Variants in PACSIN1 observed in about 807,000 individuals in gnomAD.
PACSIN1 encodes protein kinase C and casein kinase substrate in neurons 1, also known as protein kinase C and casein kinase substrate in neurons protein 1.
Under a neutral mutation model 59.5 loss-of-function variants are expected in PACSIN1, and 15 were observed. The ratio of observed to expected loss-of-function variants is 0.25; its 90% CI spans 0.17 to 0.39. The LOEUF is 0.39. PACSIN1 is among the 10% of genes least tolerant of loss of function. The probability of loss-of-function intolerance (pLI) is 1.00; values close to 1 mark genes in which losing one functional copy is unlikely to be tolerated. For missense variants in PACSIN1, 420 were observed against 580.2 expected, an observed-to-expected ratio of 0.72 and a Z score of 2.84; for synonymous variants, 210 against 220.6, an observed-to-expected ratio of 0.95 and a Z score of 0.42.
chr6:34,473,558 T>C (rs1240059310), intron 1 of PACSIN1, among the ~76,000 whole-genome samples: 1 of 151,834 alleles, frequency 6.6e-6, no homozygotes. Context: ...GGTCTAGCCT[T>C]GACCAGCCAC....
At chr6:34,481,128 C>T (rs1766712084) in intron 1 of PACSIN1, among the ~76,000 whole-genome samples, 1 of 151,946 alleles carries the variant, frequency 6.6e-6, no homozygotes, top group African/African-American at 2.4e-5. Flanking sequence ...TCACTGCAAC[C>T]TCCACCTCCC....
Position 34,529,360 on chromosome 6 carries a change from A to C in PACSIN1, c.457-37A>C. 3.7e-6 allele frequency: 6 copies of C among 1,606,122 alleles called. No individual in the cohort carries two copies. Among genetic ancestry groups the C allele is most frequent in the Non-Finnish European group, 5.1e-6 (6 of 1,173,406 alleles). On this transcript the variant is annotated intron_variant, in intron 4 of 9. Transcript: ENST00000244458. The surrounding 1 kb of genome is among the most constrained non-coding windows in gnomAD (Gnocchi z 6.3). ...GTGACCATGTTTGCTGCTGGTCACA[A>C]ATGAAAACCCTACTCCCTATTCCCC...
chr6:34,530,667 G>T lies in PACSIN1; in HGVS notation c.1037+80G>T. On this transcript the variant is annotated intron_variant, in intron 8 of 9. Coordinates refer to ENST00000244458, the MANE Select transcript of PACSIN1 (RefSeq NM_020804.5). This position sits in a 1 kb window ranked among gnomAD's most constrained non-coding sequence, Gnocchi z 4.4. Reference sequence around the variant, plus strand: ...AGCTGAGTTTTGCTTCAGAAGACAAGAAATGGTCTAGATCATAGCAACTAT... The same window carrying T: ...AGCTGAGTTTTGCTTCAGAAGACAATAAATGGTCTAGATCATAGCAACTAT... 2 of 1,397,910 alleles carry T rather than the reference G, an allele frequency of 1.4e-6. No individual in the cohort carries two copies. Among genetic ancestry groups the T allele is most frequent in the Admixed American group, 2.9e-5 (1 of 34,718 alleles). 86.6% of individuals were successfully genotyped at this position (1,397,910 alleles called of 1,614,324 possible).
Position 34,515,041 on chromosome 6 carries a change from C to T in PACSIN1, c.-63-11202C>T, listed in dbSNP as rs1022397754. ...GCGGGGGCAGTAAGCTCCTACTTGC[C>T]CCCAGCTTGGTGCCCACACGGGCCC... is the stretch of plus-strand genomic sequence containing the variant. On this transcript the variant is annotated intron_variant, in intron 1 of 9. Transcript: ENST00000244458. This position sits in a 1 kb window ranked among gnomAD's most constrained non-coding sequence, Gnocchi z 4.4. The T allele has an allele frequency of 1.8e-4, 28 of 152,328 alleles. No homozygotes were observed. The highest frequency in any genetic ancestry group is 6.8e-4 in the African/African-American group (28 of 41,456). The allele number at this position is 152,328 out of a possible 1,614,324, so 9.4% of individuals were successfully genotyped here. A position where few individuals can be genotyped will look rare whatever the true frequency, so the allele number is the denominator to read the frequency against.
intron 1 of PACSIN1, among the ~76,000 whole-genome samples, chr6:34,469,403 G>A (rs1261053080): frequency 7.9e-5 from 12 of 152,154 alleles, no homozygotes; most frequent in Non-Finnish European, 1.5e-4. Flanking sequence ...CGGAGGGGAG[G>A]TCTGGGCTGG....
chr6:34,497,056 C>G (rs1766958432), intron 1 of PACSIN1, among the ~76,000 whole-genome samples: 1 of 145,048 alleles, frequency 6.9e-6, no homozygotes, highest in African/African-American at 2.6e-5. Flanking sequence ...TCAAGCAATT[C>G]TCATGGTTCA....
Position 34,532,303 on chromosome 6 carries a change from G to T in PACSIN1, c.1226-118G>T, listed in dbSNP as rs558496561. The T allele has an allele frequency of 1.2e-3, 835 of 684,398 alleles. 4 individuals are homozygous for T. Among genetic ancestry groups the T allele is most frequent in the Middle Eastern group, 3.6e-3 (9 of 2,524 alleles). The allele number at this position is 684,398 out of a possible 1,614,324, so 42.4% of individuals were successfully genotyped here. Reference sequence around the variant, plus strand: ...GCTGGTTTCCAGGGGCGGGGCCTAAGAATCTAAAACCCAGTGCAGTAATCA... The same window carrying T: ...GCTGGTTTCCAGGGGCGGGGCCTAATAATCTAAAACCCAGTGCAGTAATCA... On this transcript the variant is annotated intron_variant, in intron 9 of 9. Transcript: ENST00000244458. The surrounding 1 kb of genome is among the most constrained non-coding windows in gnomAD (Gnocchi z 5.2).
At chr6:34,480,878 T>C (rs1175500821) in intron 1 of PACSIN1, among the ~76,000 whole-genome samples, 3 of 151,956 alleles carry the variant, frequency 2.0e-5, no homozygotes, top group Non-Finnish European at 4.4e-5. Context: ...TGGTCCACAT[T>C]CTTGCAGGTA....
In PACSIN1 at chr6:34,518,921, TA is replaced by T. The variant is rs2127268348; in HGVS notation, c.-63-7319del. Among the ~76,000 whole-genome samples the T allele has an allele frequency of 6.6e-6, 1 of 152,342 alleles. No homozygotes were observed. The highest frequency in any genetic ancestry group is 2.1e-4 in the South Asian group (1 of 4,830). ...ACCTGAAACAGGCTTAGAGGCCCTC[TA>T]AAGATGTGGGCTGTGCAAAATGGTG... On this transcript the variant is annotated intron_variant, in intron 1 of 9. Transcript: ENST00000244458. This position sits in a 1 kb window ranked among gnomAD's most constrained non-coding sequence, Gnocchi z 4.4.
intron 1 of PACSIN1, among the ~76,000 whole-genome samples, chr6:34,492,672 A>G (rs1316421914): frequency 6.6e-6 from 1 of 152,222 alleles, no homozygotes. Context: ...ATGAGCCACT[A>G]CGCCCGGCCT....
At chr6:34,496,370 C>T (rs1235115085) in intron 1 of PACSIN1, among the ~76,000 whole-genome samples, 3 of 151,384 alleles carry the variant, frequency 2.0e-5, no homozygotes, top group Non-Finnish European at 4.4e-5. Context: ...GGTCACTGGG[C>T]TGCAGGCCCA....
chr6:34,515,461 C>T lies in PACSIN1; in HGVS notation c.-63-10782C>T, dbSNP rs1767275658. 6.6e-6 allele frequency among the ~76,000 whole-genome samples: 1 copy of T among 152,112 alleles called. No individual in the cohort carries two copies. The highest frequency in any genetic ancestry group is 2.4e-5 in the African/African-American group (1 of 41,424). On this transcript the variant is annotated intron_variant, in intron 1 of 9. Transcript: ENST00000244458. The surrounding 1 kb of genome is among the most constrained non-coding windows in gnomAD (Gnocchi z 4.4). The stretch of plus-strand genomic sequence containing the variant: ...GCAGGGAGGAGTAAGGATGCCCCTG[C>T]CCCACTCAAGGCACTGCTAGGCTCT...
intron 1 of PACSIN1, among the ~76,000 whole-genome samples, chr6:34,522,344 C>T (rs184869467): frequency 5.3e-5 from 8 of 152,350 alleles, no homozygotes; most frequent in East Asian, 3.9e-4. Context: ...CATCTACAGC[C>T]GTACCCAGCA....
rs910928962 is a variant in PACSIN1, at chr6:34,525,991, G to C, written c.-63-252G>C. Among the ~76,000 whole-genome samples the C allele has an allele frequency of 6.6e-6, 1 of 152,060 alleles. No individual in the cohort carries two copies. The highest frequency in any genetic ancestry group is 1.5e-5 in the Non-Finnish European group (1 of 67,996). ...TGGGGGCTGGGGCTGGCTTCTGAAC[G>C]GAGGTGCTCATACTGGATAGAGGAT... On this transcript the variant is annotated intron_variant, in intron 1 of 9. Coordinates refer to ENST00000244458, the MANE Select transcript of PACSIN1 (RefSeq NM_020804.5). The surrounding 1 kb of genome is among the most constrained non-coding windows in gnomAD (Gnocchi z 4.9).
At chr6:34,487,650 T>G (rs900680581) in intron 1 of PACSIN1, among the ~76,000 whole-genome samples, 1 of 152,174 alleles carries the variant, frequency 6.6e-6, no homozygotes, top group East Asian at 1.9e-4. Context: ...CTGGGGTGAC[T>G]CTTGAACATC....
intron 1 of PACSIN1, among the ~76,000 whole-genome samples, chr6:34,491,854 C>G (rs1480890935): frequency 6.6e-6 from 1 of 152,008 alleles, no homozygotes; most frequent in Admixed American, 6.6e-5. Context: ...TCAGGTGATC[C>G]ACCCGCCTCA....
Position 34,525,945 on chromosome 6 carries a change from T to C in PACSIN1, c.-63-298T>C, listed in dbSNP as rs1767473664. On this transcript the variant is annotated intron_variant, in intron 1 of 9. Coordinates refer to ENST00000244458, the MANE Select transcript of PACSIN1 (RefSeq NM_020804.5). This position sits in a 1 kb window ranked among gnomAD's most constrained non-coding sequence, Gnocchi z 4.9. ...AGGCGCTGAGCCTGGGCTCCAACAG[T>C]CCAGGAGAGAGAGCCAGCTCTGGGG... 6.6e-6 allele frequency among the ~76,000 whole-genome samples: 1 copy of C among 151,608 alleles called. No homozygotes were observed. The highest frequency in any genetic ancestry group is 2.4e-5 in the African/African-American group (1 of 41,168).
At chr6:34,528,948 G>C in intron 4 of PACSIN1, 71 bp downstream of exon 4, 1 of 1,229,518 alleles carries the variant, frequency 8.1e-7, no homozygotes, top group South Asian at 1.3e-5. Flanking sequence ...ATCCCAGGGA[G>C]GGCATCTATG....
At chr6:34,496,710 T>A (rs1766952456) in intron 1 of PACSIN1, among the ~76,000 whole-genome samples, 1 of 152,180 alleles carries the variant, frequency 6.6e-6, no homozygotes, top group South Asian at 2.1e-4. Flanking sequence ...CCAGACAAAA[T>A]GGCTTTGGGT....
Sources: gnomAD v4.1 joint callset for allele counts (sites outside exome capture counted in the v4.1 genomes callset) on GRCh38, gnomAD v4.1.1 for gene constraint, Gnocchi (gnomAD v3.1) non-coding constraint, MANE v1.5 for transcripts, NCBI Gene and HGNC (gene_info 2026-07-23, HGNC 2026-07-21) for gene names.